NEDD4L: variants seen among roughly 807,000 people sequenced by gnomAD.
The protein encoded by NEDD4L is E3 ubiquitin-protein ligase NEDD4-like.
A neutral mutation model predicts 148.9 loss-of-function variants in NEDD4L; 54 were observed. The observed-to-expected ratio is 0.36, with a 90% CI of 0.29 to 0.45. NEDD4L has a LOEUF of 0.45. Among genes scored for constraint, NEDD4L ranks in the 20% least tolerant of loss-of-function variants. The pLI is 1.00. For synonymous variants in NEDD4L, 433 were observed against 440.7 expected, an observed-to-expected ratio of 0.98 and a Z score of 0.22; for missense variants, 856 against 1,233.8, an observed-to-expected ratio of 0.69 and a Z score of 4.59.
At chr18:58,149,715 T>A in intron 1 of NEDD4L, 1 of 657,642 alleles carries the variant, frequency 1.5e-6, no homozygotes, top group South Asian at 1.8e-5. Context: ...ACCTGATTAC[T>A]TCTTTCTTGA....
chr18:58,114,470 C>A (rs1365525005), intron 1 of NEDD4L, among the ~76,000 whole-genome samples: 1 of 152,094 alleles, frequency 6.6e-6, no homozygotes. Context: ...TTTTTTAAAA[C>A]CTTTATCTTT....
chr18:58,224,202 A>C (rs1038951908), intron 2 of NEDD4L, among the ~76,000 whole-genome samples: 1 of 152,250 alleles, frequency 6.6e-6, no homozygotes, highest in Admixed American at 6.5e-5. Context: ...CAAGAGGATC[A>C]CATGCAATTA....
intron 1 of NEDD4L, among the ~76,000 whole-genome samples, chr18:58,068,389 C>T (rs537297947): frequency 2.6e-5 from 4 of 152,012 alleles, no homozygotes; most frequent in African/African-American, 4.8e-5. Flanking sequence ...TTAGTAGAGA[C>T]GGGGTTTCAC....
chr18:58,283,673 T>C (rs1021882733), intron 5 of NEDD4L, among the ~76,000 whole-genome samples: 8 of 152,200 alleles, frequency 5.3e-5, no homozygotes, highest in African/African-American at 9.6e-5. Flanking sequence ...CAACATACCC[T>C]TGTCTTGTGA....
At chr18:58,077,858 T>C (rs1317345483) in intron 1 of NEDD4L, among the ~76,000 whole-genome samples, 3 of 152,128 alleles carry the variant, frequency 2.0e-5, no homozygotes, top group Non-Finnish European at 4.4e-5. Context: ...TCGAGAGACA[T>C]TGGACAATGT....
chr18:58,073,930 GC>G (rs2083024179), intron 1 of NEDD4L, among the ~76,000 whole-genome samples: 1 of 152,202 alleles, frequency 6.6e-6, no homozygotes, highest in African/African-American at 2.4e-5. Flanking sequence ...TATTAGTAAA[GC>G]GGTGCATTAA....
At chr18:58,073,649 A>T (rs963254374) in intron 1 of NEDD4L, among the ~76,000 whole-genome samples, 1 of 152,256 alleles carries the variant, frequency 6.6e-6, no homozygotes, top group Non-Finnish European at 1.5e-5. Context: ...TGGAATAAGC[A>T]AATTCAGAGA....
intron 2 of NEDD4L, among the ~76,000 whole-genome samples, chr18:58,188,020 G>A (rs145064300): frequency 2.0e-5 from 3 of 152,326 alleles, no homozygotes; most frequent in East Asian, 3.9e-4. Flanking sequence ...GATGTGAGAT[G>A]TATTTTGAGG....
chr18:58,227,884 C>G (rs1305347717), intron 2 of NEDD4L: 1 of 980,088 alleles, frequency 1.0e-6, no homozygotes, highest in African/African-American at 1.8e-5. Flanking sequence ...GAAAAATAAC[C>G]AAGTGTGAGT....
chr18:58,298,068 AC>A (rs2149215514), intron 5 of NEDD4L, among the ~76,000 whole-genome samples: 1 of 152,348 alleles, frequency 6.6e-6, no homozygotes, highest in Admixed American at 6.5e-5. Context: ...AAGTATGATT[AC>A]CGTCATCTAA....
chr18:58,222,363 T>G (rs1352992676), intron 2 of NEDD4L, among the ~76,000 whole-genome samples: 1 of 152,332 alleles, frequency 6.6e-6, no homozygotes, highest in Non-Finnish European at 1.5e-5. Flanking sequence ...AACAGAAATC[T>G]TTCTCTTCCT....
At chr18:58,313,940 G>A (rs2057975041) in intron 5 of NEDD4L, among the ~76,000 whole-genome samples, 2 of 152,260 alleles carry the variant, frequency 1.3e-5, no homozygotes, top group Non-Finnish European at 1.5e-5. Context: ...CTTTGAATAA[G>A]ATTGTCTTGT....
intron 14 of NEDD4L, 112 bp downstream of exon 14, chr18:58,341,281 A>G (rs1038982303): frequency 1.5e-5 from 19 of 1,240,240 alleles, no homozygotes; most frequent in Non-Finnish European, 1.8e-5. Flanking sequence ...GTATTTGTAA[A>G]AGCTTTCTCA....
intron 2 of NEDD4L, among the ~76,000 whole-genome samples, chr18:58,214,173 C>T (rs977110842): frequency 1.1e-4 from 16 of 152,290 alleles, no homozygotes; most frequent in African/African-American, 3.6e-4. Flanking sequence ...TGATCGCTGC[C>T]CCAGGGTTAG....
chr18:58,090,189 T>C (rs2083991861), intron 1 of NEDD4L, among the ~76,000 whole-genome samples: 1 of 152,194 alleles, frequency 6.6e-6, no homozygotes, highest in Non-Finnish European at 1.5e-5. Flanking sequence ...TTAGTTAGCC[T>C]CACCTTCATT....
intron 1 of NEDD4L, among the ~76,000 whole-genome samples, chr18:58,072,870 GCGCACACA>G (rs1388620164): frequency 0.034 from 3,638 of 106,372 alleles, 164 homozygotes; most frequent in African/African-American, 0.11. Flanking sequence ...GCGCGCGCGC[GCGCACACA>G]CACACACACA....
At chr18:58,157,185 C>CAA (rs59302556) in intron 1 of NEDD4L, among the ~76,000 whole-genome samples, 2,312 of 89,232 alleles carry the variant, frequency 0.026, 41 homozygotes, top group African/African-American at 0.048. Context: ...GACCTTGTCT[C>CAA]AAAAAAAAAA....
intron 24 of NEDD4L, among the ~76,000 whole-genome samples, chr18:58,379,791 G>GTCGCCGTAACTCATGAAAGTT: frequency 6.6e-6 from 1 of 152,264 alleles, no homozygotes; most frequent in Non-Finnish European, 1.5e-5. Flanking sequence ...TCATGAAAGT[G>GTCGCCGTAACTCATGAAAGTT]TCACCTGTAA....
At chr18:58,275,931 C>T (rs541434469) in intron 5 of NEDD4L, among the ~76,000 whole-genome samples, 24 of 152,146 alleles carry the variant, frequency 1.6e-4, no homozygotes, top group Non-Finnish European at 2.5e-4. Context: ...ATTTCCTAAG[C>T]GGCTCTGCAG....
Sources: allele counts gnomAD v4.1 joint callset (sites outside exome capture counted in the v4.1 genomes callset), GRCh38; gene constraint gnomAD v4.1.1; transcripts MANE v1.5; gene names NCBI Gene and HGNC (gene_info 2026-07-23, HGNC 2026-07-21).